Variants in ZNF407 observed in about 807,000 individuals in gnomAD.
ZNF407 encodes zinc finger protein 407.
A neutral mutation model predicts 131.2 loss-of-function variants in ZNF407; 17 were observed. That is an observed-to-expected ratio of 0.13 (90% confidence interval 0.09 to 0.19). The LOEUF is 0.19. ZNF407 is among the 10% of genes least tolerant of loss of function. The pLI is 1.00. For missense variants in ZNF407, 2,681 were observed against 2,830.6 expected, an observed-to-expected ratio of 0.95 and a Z score of 1.20; for synonymous variants, 1,156 against 1,062.0, an observed-to-expected ratio of 1.09 and a Z score of -1.72.
intron 8 of ZNF407, among the ~76,000 whole-genome samples, chr18:74,981,016 T>A (rs781503635): frequency 1.3e-5 from 2 of 152,160 alleles, no homozygotes; most frequent in Non-Finnish European, 2.9e-5. Context: ...AAGATTTTGG[T>A]GTCAGGTGAG....
chr18:74,652,689 A>G (rs2144713227), intron 3 of ZNF407, among the ~76,000 whole-genome samples: 1 of 152,072 alleles, frequency 6.6e-6, no homozygotes, highest in East Asian at 1.9e-4. Flanking sequence ...TCATATTACA[A>G]CTTCCCGAGG....
chr18:74,651,759 G>C (rs1360394229), intron 3 of ZNF407, among the ~76,000 whole-genome samples: 1 of 152,146 alleles, frequency 6.6e-6, no homozygotes, highest in African/African-American at 2.4e-5. Flanking sequence ...AAGCCGAGGT[G>C]ATCCTTAGAT....
chr18:74,870,633 TGTAACTTCATTCATTGAGCAAG>T (rs1971073425), intron 4 of ZNF407, among the ~76,000 whole-genome samples: 1 of 152,202 alleles, frequency 6.6e-6, no homozygotes, highest in African/African-American at 2.4e-5. Context: ...GGTGTCTGGA[TGTAACTTCATTCATTGAGCAAG>T]GTTTTTATTT....
chr18:74,611,039 A>T (rs1983036593), intron 1 of ZNF407, among the ~76,000 whole-genome samples: 1 of 152,226 alleles, frequency 6.6e-6, no homozygotes, highest in Non-Finnish European at 1.5e-5. Context: ...ATCACTTTTG[A>T]TATCCTCTCT....
intron 4 of ZNF407, among the ~76,000 whole-genome samples, chr18:74,868,914 A>T (rs1282418645): frequency 6.6e-6 from 1 of 152,184 alleles, no homozygotes; most frequent in South Asian, 2.1e-4. Flanking sequence ...GAATAGATGT[A>T]TTTTATTTAT....
At chr18:74,683,119 A>G (rs1315831340) in intron 3 of ZNF407, among the ~76,000 whole-genome samples, 3 of 152,208 alleles carry the variant, frequency 2.0e-5, no homozygotes, top group Non-Finnish European at 4.4e-5. Flanking sequence ...AAGCAGTTTT[A>G]TGGAGCTTTT....
intron 3 of ZNF407, among the ~76,000 whole-genome samples, chr18:74,646,333 A>G (rs1248660171): frequency 1.3e-5 from 2 of 152,208 alleles, no homozygotes; most frequent in Non-Finnish European, 2.9e-5. Flanking sequence ...TTAAAGAGAT[A>G]TAGATAGGAA....
At chr18:74,767,351 G>A (rs987466762) in intron 3 of ZNF407, among the ~76,000 whole-genome samples, 4 of 151,962 alleles carry the variant, frequency 2.6e-5, no homozygotes, top group South Asian at 2.1e-4. Context: ...CCAATGTTGC[G>A]GTAATTGATG....
chr18:74,971,169 T>C lies in ZNF407; in HGVS notation c.5428+50477T>C, dbSNP rs555740234. 8.5e-5 allele frequency among the ~76,000 whole-genome samples: 13 copies of C among 152,246 alleles called. No individual in the cohort carries two copies. The East Asian group carries it at 2.5e-3, about 30-fold the overall frequency. On this transcript the variant is annotated intron_variant, in intron 8 of 8. Coordinates refer to ENST00000299687, the MANE Select transcript of ZNF407 (RefSeq NM_017757.3). ...ACCCTGGCCCCAGCCCACAGAACCA[T>C]TTTTTGCCTCTGGACCTCCAGGCCT...
intron 1 of ZNF407, among the ~76,000 whole-genome samples, chr18:74,621,976 C>T (rs1344353336): frequency 1.3e-5 from 2 of 152,150 alleles, no homozygotes; most frequent in East Asian, 3.9e-4. Context: ...ATTGCCTCCA[C>T]TGTTATCTAG....
At chr18:74,919,430 G>T (rs1971816848) in intron 7 of ZNF407, among the ~76,000 whole-genome samples, 1 of 152,164 alleles carries the variant, frequency 6.6e-6, no homozygotes. Flanking sequence ...AGATGTGTTG[G>T]CTGACTACCG....
chr18:74,800,103 C>T (rs1969994552), intron 4 of ZNF407, among the ~76,000 whole-genome samples: 1 of 151,852 alleles, frequency 6.6e-6, no homozygotes, highest in Non-Finnish European at 1.5e-5. Flanking sequence ...TCTTTGTATA[C>T]ACACACAGTG....
chr18:74,728,155 G>A (rs891672591), intron 3 of ZNF407, among the ~76,000 whole-genome samples: 1 of 152,182 alleles, frequency 6.6e-6, no homozygotes, highest in Non-Finnish European at 1.5e-5. Context: ...TTGGATAAGA[G>A]TATAGCAATG....
In ZNF407 at chr18:74,849,052, C is replaced by CTTTTT. The variant is rs35529971; in HGVS notation, c.4878-28135_4878-28131dup. 1.4e-3 allele frequency among the ~76,000 whole-genome samples: 175 copies of CTTTTT among 122,834 alleles called. 1 individual carries two copies. The highest frequency in any genetic ancestry group is 1.8e-3 in the Non-Finnish European group (108 of 60,298). 80.6% of individuals were successfully genotyped at this position (122,834 alleles called of 152,430 possible). A position where few individuals can be genotyped will look rare whatever the true frequency, so the allele number is the denominator to read the frequency against. ...TGGTGACTTTGGGCTACTTTTGTTT[C>CTTTTT]TTTTTTTTTTTTTTATTTTTTATTT... is the stretch of plus-strand genomic sequence containing the variant. On this transcript the variant is annotated intron_variant, in intron 4 of 8. Coordinates refer to ENST00000299687, the MANE Select transcript of ZNF407 (RefSeq NM_017757.3).
chr18:74,792,205 C>G (rs1304169640), intron 4 of ZNF407, among the ~76,000 whole-genome samples: 2 of 151,850 alleles, frequency 1.3e-5, no homozygotes, highest in African/African-American at 4.8e-5. Context: ...AAAAAACATT[C>G]AAGAGCTTTT....
At position 74,920,509 on chromosome 18, in the gene ZNF407, G is replaced by C; in HGVS notation, c.5250-5G>C. 3.2e-6 allele frequency: 5 copies of C among 1,566,398 alleles called. No individual in the cohort carries two copies. The highest frequency in any genetic ancestry group is 2.6e-6 in the Non-Finnish European group (3 of 1,146,522). On this transcript the variant is annotated splice_polypyrimidine_tract_variant and splice_region_variant and intron_variant, in intron 7 of 8. Coordinates refer to ENST00000299687, the MANE Select transcript of ZNF407 (RefSeq NM_017757.3). ...TTAGATTTACTTTTCTGTCTTACTT[G>C]GTAGGTCAAACTGTGCTGAAAATAT...
chr18:74,963,639 A>G (rs924007685), intron 8 of ZNF407, among the ~76,000 whole-genome samples: 1 of 152,236 alleles, frequency 6.6e-6, no homozygotes, highest in African/African-American at 2.4e-5. Flanking sequence ...AAGAAGAGGA[A>G]ATGTTCATTG....
At chr18:74,900,452 G>A (rs724892) in intron 7 of ZNF407, among the ~76,000 whole-genome samples, 89,933 of 152,042 alleles carry the variant, frequency 0.59, 28,989 homozygotes, top group Non-Finnish European at 0.72. Context: ...CCAAAAGGTG[G>A]GGTTTTATTT....
chr18:74,907,184 G>A lies in ZNF407; in HGVS notation c.5250-13330G>A, dbSNP rs535806043. ...CTATTTAATGGCTTTTATACAACAAGTAAGGTTGAATGCCCAGATAGTACA... is the reference window on the plus strand; with the variant it reads ...CTATTTAATGGCTTTTATACAACAAATAAGGTTGAATGCCCAGATAGTACA... On this transcript the variant is annotated intron_variant, in intron 7 of 8. Coordinates refer to ENST00000299687, the MANE Select transcript of ZNF407 (RefSeq NM_017757.3). 2.6e-5 allele frequency among the ~76,000 whole-genome samples: 4 copies of A among 152,250 alleles called. No individual in the cohort carries two copies. The South Asian group carries it at 6.2e-4, about 24-fold the overall frequency.
Sources: allele counts gnomAD v4.1 joint callset (sites outside exome capture counted in the v4.1 genomes callset), GRCh38; gene constraint gnomAD v4.1.1; transcripts MANE v1.5; gene names NCBI Gene and HGNC (gene_info 2026-07-23, HGNC 2026-07-21).